Variants in ADAMTS17 observed in about 807,000 individuals in gnomAD.
ADAMTS17 encodes the protein ADAM metallopeptidase with thrombospondin type 1 motif 17, also known as A disintegrin and metalloproteinase with thrombospondin motifs 17.
A neutral mutation model predicts 141.5 loss-of-function variants in ADAMTS17; 113 were observed. The ratio of observed to expected loss-of-function variants is 0.80; its 90% CI spans 0.69 to 0.93. The LOEUF is 0.93. Ranked by LOEUF, ADAMTS17 falls within the 40% of genes least tolerant of loss-of-function variation. ADAMTS17 has a pLI of 0.00. For synonymous variants in ADAMTS17, 768 were observed against 630.6 expected, an observed-to-expected ratio of 1.22 and a Z score of -3.27; for missense variants, 1,659 against 1,517.9, an observed-to-expected ratio of 1.09 and a Z score of -1.54.
chr15:100,315,875 C>A (rs986075567), intron 3 of ADAMTS17, among the ~76,000 whole-genome samples: 1 of 152,238 alleles, frequency 6.6e-6, no homozygotes, highest in African/African-American at 2.4e-5. Flanking sequence ...AAGCAGGGAC[C>A]ACTGGAGGGA....
chr15:100,336,863 G>T (rs1466446980), intron 2 of ADAMTS17, among the ~76,000 whole-genome samples: 1 of 152,128 alleles, frequency 6.6e-6, no homozygotes, highest in African/African-American at 2.4e-5. Context: ...TAAAAGTGGG[G>T]TCCCCAACAC....
intron 4 of ADAMTS17, among the ~76,000 whole-genome samples, chr15:100,263,833 G>A (rs1275214238): frequency 6.6e-6 from 1 of 152,238 alleles, no homozygotes; most frequent in Admixed American, 6.5e-5. Context: ...TTCTCCAGCA[G>A]GTGCTGTGTT....
In ADAMTS17 at chr15:100,047,530, C is replaced by G. The variant is rs1280918725; in HGVS notation, c.2591+1327G>C. 7.2e-5 allele frequency among the ~76,000 whole-genome samples: 11 copies of G among 151,986 alleles called. No individual in the cohort carries two copies. The South Asian group carries it at 2.3e-3, about 32-fold the overall frequency. On this transcript the variant is annotated intron_variant, in intron 18 of 21. Coordinates refer to ENST00000268070, the MANE Select transcript of ADAMTS17 (RefSeq NM_139057.4). ...GTACTCTGTCCCTTTATTTCTCAAG[C>G]CAGCCGACGCTTAGGGAAAATAGAA...
At chr15:99,999,381 C>A (rs1489955441) in intron 18 of ADAMTS17, among the ~76,000 whole-genome samples, 1 of 152,166 alleles carries the variant, frequency 6.6e-6, no homozygotes, top group African/African-American at 2.4e-5. Flanking sequence ...TATCTTACAG[C>A]AGGATGCAGG....
At chr15:100,341,690 C>T (rs1327682833) in intron 1 of ADAMTS17, 131 bp downstream of exon 1, 1 of 1,207,170 alleles carries the variant, frequency 8.3e-7, no homozygotes, top group Non-Finnish European at 1.1e-6. Flanking sequence ...CCGGCCGCGG[C>T]CCGCGCCTCC....
At chr15:100,241,235 A>C (rs1210690036) in intron 7 of ADAMTS17, among the ~76,000 whole-genome samples, 3 of 152,210 alleles carry the variant, frequency 2.0e-5, no homozygotes, top group Non-Finnish European at 2.9e-5. Flanking sequence ...CTCCAAGACT[A>C]CTTTTTAATT....
intron 15 of ADAMTS17, among the ~76,000 whole-genome samples, chr15:100,076,376 T>C (rs1377743984): frequency 1.3e-5 from 2 of 152,214 alleles, no homozygotes; most frequent in Admixed American, 6.5e-5. Flanking sequence ...CTACTGTTGA[T>C]CAATTTCTGA....
chr15:100,208,724 T>C (rs1038898405), intron 7 of ADAMTS17, among the ~76,000 whole-genome samples: 4 of 151,342 alleles, frequency 2.6e-5, no homozygotes, highest in Non-Finnish European at 4.4e-5. Context: ...ATTTAAAAGA[T>C]AACAAAGGGA....
At chr15:100,147,313 T>C (rs1461665474) in intron 10 of ADAMTS17, among the ~76,000 whole-genome samples, 1 of 152,134 alleles carries the variant, frequency 6.6e-6, no homozygotes, top group Admixed American at 6.5e-5. Context: ...CCCTGATAGT[T>C]ATGCATCACT....
At chr15:100,307,242 G>A (rs547141130) in intron 3 of ADAMTS17, among the ~76,000 whole-genome samples, 2 of 152,262 alleles carry the variant, frequency 1.3e-5, no homozygotes, top group South Asian at 4.2e-4. Context: ...CTGCTTCTTG[G>A]ACAGAGGGAT....
intron 7 of ADAMTS17, among the ~76,000 whole-genome samples, chr15:100,244,925 C>T (rs538973965): frequency 2.0e-5 from 3 of 152,154 alleles, no homozygotes; most frequent in Admixed American, 6.5e-5. Context: ...ATTCTACTCC[C>T]CCTCGTGTTT....
chr15:100,239,458 G>C (rs2042760151), intron 7 of ADAMTS17, among the ~76,000 whole-genome samples: 1 of 150,114 alleles, frequency 6.7e-6, no homozygotes, highest in African/African-American at 2.5e-5. Flanking sequence ...CCAAGGCTAA[G>C]GGAAAAGAAG....
At position 100,199,371 on chromosome 15, in the gene ADAMTS17, G is replaced by C. The variant is rs371995088; in HGVS notation, c.1128C>G (p.Ala376=). 6.2e-7 allele frequency: 1 copy of C among 1,614,148 alleles called. No homozygotes were observed. Among genetic ancestry groups the C allele is most frequent in the Non-Finnish European group, 8.5e-7 (1 of 1,180,026 alleles). Reference sequence around the variant, plus strand: ...AGGCCAAATTGAGACCATTGTCTTCGGCAAGCACACACTTCCTCTTAGCAC... The same window carrying C: ...AGGCCAAATTGAGACCATTGTCTTCCGCAAGCACACACTTCCTCTTAGCAC... ...VCSAKRKCVL[A]EDNGLNLAFT... The change falls in exon 8 of 22, where the codon GCC becomes GCG. Residue 376 remains alanine (A), a synonymous_variant. Transcript: ENST00000268070.
chr15:100,283,869 G>T (rs372334390), intron 3 of ADAMTS17, among the ~76,000 whole-genome samples: 7 of 152,196 alleles, frequency 4.6e-5, no homozygotes, highest in African/African-American at 1.7e-4. Context: ...ACTTTGGAAG[G>T]CCAAGGAGGG....
At chr15:100,205,122 T>TGGCTTC (rs2041484871) in intron 7 of ADAMTS17, among the ~76,000 whole-genome samples, 2 of 152,158 alleles carry the variant, frequency 1.3e-5, no homozygotes, top group African/African-American at 4.8e-5. Flanking sequence ...CAGATGTCCT[T>TGGCTTC]GGCTTCGGTT....
At position 99,974,243 on chromosome 15, in the gene ADAMTS17, A is replaced by G; in HGVS notation, c.*159T>C. The G allele has an allele frequency of 1.2e-6, 1 of 854,528 alleles. No homozygotes were observed. Among genetic ancestry groups the G allele is most frequent in the Non-Finnish European group, 1.9e-6 (1 of 533,718 alleles). The allele number at this position is 854,528 out of a possible 1,614,324, so 52.9% of individuals were successfully genotyped here. A position where few individuals can be genotyped will look rare whatever the true frequency, so the allele number is the denominator to read the frequency against. On this transcript the variant is annotated 3_prime_UTR_variant, in exon 22 of 22. Transcript: ENST00000268070. Reference sequence around the variant, plus strand: ...AGTGGCTGTTAACAATATATTAAGTACGGAAGCACTAATGGCAAACGCCAA... The same window carrying G: ...AGTGGCTGTTAACAATATATTAAGTGCGGAAGCACTAATGGCAAACGCCAA...
Position 99,991,068 on chromosome 15 carries a change from C to T in ADAMTS17, c.2949+1980G>A, listed in dbSNP as rs1294255722. Among the ~76,000 whole-genome samples, 3 of 152,188 alleles carry T rather than the reference C, an allele frequency of 2.0e-5. 1 individual carries two copies. Among genetic ancestry groups the T allele is most frequent in the Admixed American group, 1.3e-4 (2 of 15,276 alleles). The stretch of plus-strand genomic sequence containing the variant: ...CCTAAGACCTAAAACCATGAAAACC[C>T]TAGAAGAAAACCTAGGCAATACCAC... On this transcript the variant is annotated intron_variant, in intron 20 of 21. Coordinates refer to ENST00000268070, the MANE Select transcript of ADAMTS17 (RefSeq NM_139057.4).
rs561120307 is a variant in ADAMTS17 at position 100,311,234 on chromosome 15, G to A, written c.616+19655C>T. On this transcript the variant is annotated intron_variant, in intron 3 of 21. Coordinates refer to ENST00000268070, the MANE Select transcript of ADAMTS17 (RefSeq NM_139057.4). ...TCTCTCCCTTGGAGGGAACATGAACGCCGCTGATTCAAAAATCAGACACTA... is the reference window on the plus strand; with the variant it reads ...TCTCTCCCTTGGAGGGAACATGAACACCGCTGATTCAAAAATCAGACACTA... Among the ~76,000 whole-genome samples the A allele has an allele frequency of 5.6e-4, 86 of 152,312 alleles. 1 individual carries two copies. Among genetic ancestry groups the A allele is most frequent in the African/African-American group, 1.8e-3 (73 of 41,572 alleles).
At chr15:100,047,244 A>G (rs1048456189) in intron 18 of ADAMTS17, among the ~76,000 whole-genome samples, 10 of 135,526 alleles carry the variant, frequency 7.4e-5, no homozygotes, top group Admixed American at 6.9e-4. Context: ...GTTATCAATG[A>G]CAATGGTGCC....
Sources: gnomAD v4.1 joint callset for allele counts (sites outside exome capture counted in the v4.1 genomes callset) on GRCh38, gnomAD v4.1.1 for gene constraint, MANE v1.5 for transcripts, NCBI Gene and HGNC (gene_info 2026-07-23, HGNC 2026-07-21) for gene names.